The following ZC3H6 variants were observed in gnomAD, a reference collection of about 807,000 sequenced individuals.
The protein encoded by ZC3H6 is zinc finger CCCH-type containing 6.
ZC3H6 carries 40 observed loss-of-function variants against 107.7 expected under a neutral mutation model. The ratio of observed to expected loss-of-function variants is 0.37; its 90% CI spans 0.29 to 0.48. ZC3H6 has a LOEUF of 0.48. Among genes scored for constraint, ZC3H6 ranks in the 20% least tolerant of loss-of-function variants. ZC3H6 has a pLI of 0.98. For missense variants in ZC3H6, 1,267 were observed against 1,410.4 expected (o/e 0.90, Z 1.63); for synonymous variants, 493 against 487.9 (o/e 1.01, Z -0.14).
Position 112,324,192 on chromosome 2 carries a change from C to T in ZC3H6, c.1381C>T (p.Gln461Ter). Residue 461 changes from glutamine to a stop codon, truncating the protein, a stop_gained, in exon 10 of 12, where the codon CAA (glutamine) becomes TAA (stop). Coordinates refer to ENST00000409871, the MANE Select transcript of ZC3H6 (RefSeq NM_198581.3). LOFTEE classifies it high-confidence loss of function. ...FYTSASPPGP[Q>*]FQGSSPHPQH... Reference sequence around the variant, plus strand: ...TACCAGTGCCTCACCACCAGGACCACAATTTCAGGGAAGCAGTCCACACCC... The same window carrying T: ...TACCAGTGCCTCACCACCAGGACCATAATTTCAGGGAAGCAGTCCACACCC... 1 of 1,592,152 alleles carries T rather than the reference C, an allele frequency of 6.3e-7. No homozygotes were observed. The highest frequency in any genetic ancestry group is 8.6e-7 in the Non-Finnish European group (1 of 1,161,970).
chr2:112,312,634 G>A (rs543266842), intron 5 of ZC3H6, among the ~76,000 whole-genome samples: 22 of 152,052 alleles, frequency 1.4e-4, no homozygotes, highest in Non-Finnish European at 3.1e-4. Context: ...AGGCCAAGTC[G>A]GACAGATCCT....
intron 1 of ZC3H6, among the ~76,000 whole-genome samples, chr2:112,291,425 G>C (rs1286941708): frequency 3.9e-5 from 6 of 152,288 alleles, no homozygotes; most frequent in Non-Finnish European, 4.4e-5. Context: ...GTAGAGACGG[G>C]GTTTCGCCAT....
chr2:112,303,123 T>C lies in ZC3H6; in HGVS notation c.214-106T>C. 4 of 1,380,728 alleles carry C rather than the reference T, an allele frequency of 2.9e-6. No homozygotes were observed. In the South Asian group the frequency reaches 5.9e-5, roughly 21 times the overall value. 85.5% of individuals were successfully genotyped at this position (1,380,728 alleles called of 1,614,324 possible). ...AGTACTTCAGAGTCTCCTGGAATAA[T>C]ATAATCTACTGGTTGGTACCTCTGG... On this transcript the variant is annotated intron_variant, in intron 2 of 11. Coordinates refer to ENST00000409871, the MANE Select transcript of ZC3H6 (RefSeq NM_198581.3).
At chr2:112,306,301 T>C (rs1676476433) in intron 3 of ZC3H6, among the ~76,000 whole-genome samples, 5 of 151,912 alleles carry the variant, frequency 3.3e-5, no homozygotes, top group Admixed American at 3.3e-4. Context: ...GCCTCCCAAG[T>C]AGCTGGGACT....
intron 1 of ZC3H6, among the ~76,000 whole-genome samples, chr2:112,290,421 C>T (rs530857021): frequency 6.6e-6 from 1 of 152,378 alleles, no homozygotes; most frequent in South Asian, 2.1e-4. Flanking sequence ...TTCCACACTT[C>T]CCTGACGGAT....
intron 1 of ZC3H6, among the ~76,000 whole-genome samples, chr2:112,293,323 A>G (rs1676156927): frequency 6.6e-6 from 1 of 152,360 alleles, no homozygotes; most frequent in East Asian, 1.9e-4. Flanking sequence ...CAAACCAAGT[A>G]AAAATTGCCA....
rs1676337670 is a variant in ZC3H6 at position 112,300,018 on chromosome 2, G to A, written c.202G>A (p.Glu68Lys). The A allele has an allele frequency of 6.8e-7, 1 of 1,460,686 alleles. No individual in the cohort carries two copies. The highest frequency in any genetic ancestry group is 9.0e-7 in the Non-Finnish European group (1 of 1,107,910). 90.5% of individuals were successfully genotyped at this position (1,460,686 alleles called of 1,614,324 possible). ...GAAAAAATCCAAAAGGAGAAAACGT[G>A]AGAAACATAAGGTTAGTTAGAATCT... ...EKKKSKRRKR[E>K]KHKHNSPSSD... The change falls in exon 2 of 12, where the codon GAG (glutamate) becomes AAG (lysine). Residue 68 changes from glutamate (E) to lysine (K), a missense_variant. Glu to Lys is a moderately conservative substitution (Grantham distance 56, BLOSUM62 1). Around this residue, in one of 3 missense-constraint regions of ZC3H6, gnomAD observed 337 missense variants for 361.2 expected, o/e 0.93. Transcript: ENST00000409871.
At chr2:112,325,233 T>C (rs888704994) in intron 11 of ZC3H6, 36 bp downstream of exon 11, 3 of 1,597,154 alleles carry the variant, frequency 1.9e-6, no homozygotes, top group Non-Finnish European at 2.6e-6. Context: ...CTTACCTATT[T>C]GGATGGGTTA....
chr2:112,278,909 C>G (rs1169052336), intron 1 of ZC3H6, among the ~76,000 whole-genome samples: 1 of 152,172 alleles, frequency 6.6e-6, no homozygotes, highest in Non-Finnish European at 1.5e-5. Flanking sequence ...GCGTGAGCCA[C>G]CACGCCTGGC....
At chr2:112,323,610 T>A (rs1676845985) in intron 9 of ZC3H6, among the ~76,000 whole-genome samples, 1 of 152,068 alleles carries the variant, frequency 6.6e-6, no homozygotes, top group South Asian at 2.1e-4. Context: ...GGCAGCCTAA[T>A]TATTTGGGAA....
chr2:112,327,761 C>G (rs541261262), intron 11 of ZC3H6, among the ~76,000 whole-genome samples: 1 of 152,144 alleles, frequency 6.6e-6, no homozygotes, highest in African/African-American at 2.4e-5. Context: ...CATTTATTGA[C>G]GAGATTGTCC....
rs535214884 is a variant in ZC3H6, at chr2:112,311,568, C to T, written c.614-236C>T. ...AATTAAAAAGAATAAAACTTGATTTCGCTTCTCTAGCCATGTGTATCCTTG... is the reference window on the plus strand; with the variant it reads ...AATTAAAAAGAATAAAACTTGATTTTGCTTCTCTAGCCATGTGTATCCTTG... On this transcript the variant is annotated intron_variant, in intron 4 of 11. Coordinates refer to ENST00000409871, the MANE Select transcript of ZC3H6 (RefSeq NM_198581.3). 1.2e-3 allele frequency among the ~76,000 whole-genome samples: 182 copies of T among 152,230 alleles called. 1 individual carries two copies. Among genetic ancestry groups the T allele is most frequent in the Middle Eastern group, 3.4e-3 (1 of 294 alleles).
chr2:112,302,209 A>G (rs1676391842), intron 2 of ZC3H6, among the ~76,000 whole-genome samples: 1 of 152,180 alleles, frequency 6.6e-6, no homozygotes, highest in South Asian at 2.1e-4. Context: ...GACACTATTT[A>G]TTTTAAATCC....
intron 1 of ZC3H6, among the ~76,000 whole-genome samples, chr2:112,290,915 C>T (rs1284929650): frequency 6.6e-6 from 1 of 151,886 alleles, no homozygotes; most frequent in African/African-American, 2.4e-5. Context: ...AGGACAGTGT[C>T]TGCCATATCA....
Position 112,331,550 on chromosome 2 carries a change from G to A in ZC3H6, c.2632G>A (p.Val878Met), listed in dbSNP as rs764408217. Reference protein sequence around the residue: ...LTKPNFAKHIVWAPEDLLPVP... With the variant: ...LTKPNFAKHIMWAPEDLLPVP... ...CAAACCCAACTTTGCAAAACACATC[G>A]TGTGGGCTCCCGAAGACTTACTTCC... The change falls in exon 12 of 12, where the codon GTG becomes ATG. Residue 878 changes from valine (V) to methionine (M), a missense_variant. By Grantham distance (21) the Val-to-Met change is conservative (BLOSUM62 1). This residue lies in a region of ZC3H6 where 925 missense variants were observed against 1,025.7 expected (regional missense o/e 0.90). Transcript: ENST00000409871. 2.5e-6 allele frequency: 4 copies of A among 1,613,904 alleles called. No homozygotes were observed. Among genetic ancestry groups the A allele is most frequent in the South Asian group, 1.1e-5 (1 of 91,082 alleles).
chr2:112,317,650 T>C (rs1380515885), intron 7 of ZC3H6, among the ~76,000 whole-genome samples: 1 of 152,218 alleles, frequency 6.6e-6, no homozygotes, highest in Non-Finnish European at 1.5e-5. Context: ...TATTCCATAA[T>C]TATTTTACTT....
At chr2:112,276,121 A>C in intron 1 of ZC3H6, 95 bp downstream of exon 1, 1 of 1,137,296 alleles carries the variant, frequency 8.8e-7, no homozygotes, top group African/African-American at 1.6e-5. Context: ...TGCATGACCT[A>C]GACGTCTCTG....
At chr2:112,308,940 T>C (rs1332383298) in intron 3 of ZC3H6, among the ~76,000 whole-genome samples, 1 of 151,536 alleles carries the variant, frequency 6.6e-6, no homozygotes, top group Non-Finnish European at 1.5e-5. Context: ...TAATCCCAGC[T>C]ACTTGGGAGG....
At chr2:112,301,486 T>A (rs944730486) in intron 2 of ZC3H6, among the ~76,000 whole-genome samples, 42 of 152,154 alleles carry the variant, frequency 2.8e-4, no homozygotes, top group African/African-American at 4.8e-5. Flanking sequence ...GAGATAACCC[T>A]AGAGCTATGA....
Sources: gnomAD v4.1 joint callset for allele counts (sites outside exome capture counted in the v4.1 genomes callset) on GRCh38, gnomAD v4.1.1 for gene constraint, gnomAD v4.1.1 regional missense constraint, MANE v1.5 for transcripts, NCBI Gene and HGNC (gene_info 2026-07-23, HGNC 2026-07-21) for gene names.